Variants in KRT75 observed in about 807,000 individuals in gnomAD.
KRT75 encodes the protein keratin, type II cytoskeletal 75.
A neutral mutation model predicts 48.8 loss-of-function variants in KRT75; 35 were observed. The ratio of observed to expected loss-of-function variants is 0.72; its 90% CI spans 0.55 to 0.95. The LOEUF (loss-of-function observed/expected upper bound fraction) is 0.95. Among genes scored for constraint, KRT75 ranks in the 40% least tolerant of loss-of-function variants. The probability of loss-of-function intolerance (pLI) is 0.00; values close to 1 mark genes in which losing one functional copy is unlikely to be tolerated. For synonymous variants in KRT75, 301 were observed against 282.3 expected, an observed-to-expected ratio of 1.07 and a Z score of -0.66; for missense variants, 776 against 709.9, an observed-to-expected ratio of 1.09 and a Z score of -1.06.
At chr12:52,431,469 A>AATGG in intron 4 of KRT75, 74 bp downstream of exon 4, 1 of 1,103,968 alleles carries the variant, frequency 9.1e-7, no homozygotes, top group Non-Finnish European at 1.4e-6. Context: ...TGAATGAATG[A>AATGG]ATGGCACAAT....
intron 4 of KRT75, 45 bp from the exon 5 acceptor site, chr12:52,430,750 A>G (rs753401602): frequency 1.8e-5 from 29 of 1,609,674 alleles, no homozygotes; most frequent in Non-Finnish European, 2.3e-5. Context: ...AAGATGAAGA[A>G]TCTTAAATCT....
At chr12:52,426,992 ATTAT>A in intron 7 of KRT75, 141 bp from the exon 8 acceptor site, 1 of 725,584 alleles carries the variant, frequency 1.4e-6, no homozygotes, top group East Asian at 2.7e-5. Flanking sequence ...GCAGGTTGAA[ATTAT>A]TTGAGAACTA....
At position 52,431,737 on chromosome 12, in the gene KRT75, T is replaced by A. The variant is rs539566185; in HGVS notation, c.775-99A>T. The A allele has an allele frequency of 7.1e-5, 72 of 1,015,600 alleles. No homozygotes were observed. The South Asian group carries it at 8.8e-4, about 12-fold the overall frequency. 62.9% of individuals were successfully genotyped at this position (1,015,600 alleles called of 1,614,324 possible). ...TTCTCCCCAGCCCATCTAGTTTGGA[T>A]TTTAGAAAACTCTGGGTCTGGGTGA... On this transcript the variant is annotated intron_variant, in intron 3 of 8. Transcript: ENST00000252245.
chr12:52,432,608 T>C lies in KRT75; in HGVS notation c.713+430A>G, dbSNP rs566037347. Among the ~76,000 whole-genome samples the C allele has an allele frequency of 1.1e-3, 163 of 152,238 alleles. 1 individual carries two copies. Among genetic ancestry groups the C allele is most frequent in the Middle Eastern group, 6.8e-3 (2 of 294 alleles). ...AGCCTGGATGATGTGCAGTCAAAAG[T>C]TTCCCCCCACAAGAAAAGTCAGATT... On this transcript the variant is annotated intron_variant, in intron 2 of 8. Transcript: ENST00000252245.
intron 8 of KRT75, among the ~76,000 whole-genome samples, chr12:52,425,556 G>A (rs968741137): frequency 6.6e-6 from 1 of 152,212 alleles, no homozygotes; most frequent in African/African-American, 2.4e-5. Context: ...CAGACACACA[G>A]GGACACGGTC....
intron 7 of KRT75, among the ~76,000 whole-genome samples, chr12:52,427,319 C>T (rs147168682): frequency 6.6e-6 from 1 of 152,220 alleles, no homozygotes; most frequent in East Asian, 1.9e-4. Flanking sequence ...TCTTAGCAAC[C>T]AAGTAACTTT....
At chr12:52,432,581 G>A (rs1245647587) in intron 2 of KRT75, among the ~76,000 whole-genome samples, 1 of 152,132 alleles carries the variant, frequency 6.6e-6, no homozygotes, top group Admixed American at 6.5e-5. Flanking sequence ...CTCACCTACT[G>A]CAGCCTGGAT....
intron 8 of KRT75, among the ~76,000 whole-genome samples, chr12:52,425,651 G>A (rs959401433): frequency 6.6e-6 from 1 of 152,232 alleles, no homozygotes; most frequent in African/African-American, 2.4e-5. Context: ...AGAGCTAGGA[G>A]GAGGCTGGAG....
intron 7 of KRT75, among the ~76,000 whole-genome samples, 181 bp from the exon 8 acceptor site, chr12:52,427,032 T>A (rs1015167913): frequency 2.6e-5 from 4 of 152,214 alleles, no homozygotes; most frequent in Non-Finnish European, 2.9e-5. Context: ...ATATTAATAA[T>A]CTAATGAATA....
intron 4 of KRT75, among the ~76,000 whole-genome samples, chr12:52,431,341 G>A (rs1002987222): frequency 6.6e-6 from 1 of 152,120 alleles, no homozygotes; most frequent in African/African-American, 2.4e-5. Context: ...GGAGTTCGGG[G>A]GAGAAGCATC....
rs1299806386 is a variant in KRT75 at position 52,433,239 on chromosome 12, TC to T, written c.511del (p.Glu171SerfsTer22). On this transcript the variant is annotated frameshift_variant, in exon 2 of 9. Transcript: ENST00000252245. LOFTEE classifies it high-confidence loss of function. Reference protein sequence around the residue: ...ASFIDKVRFLEQQNKVLETKW... With the variant: ...ASFIDKVRFLXQQNKVLETKW... ...GGTCTCCAGGACCTTGTTCTGCTGC[TC>T]CAAGAACCTCACCTGGAGGGAAGAA... 3 of 1,613,798 alleles carry T rather than the reference TC, an allele frequency of 1.9e-6. No individual in the cohort carries two copies. The Admixed American group carries it at 5.0e-5, about 27-fold the overall frequency.
In KRT75 at chr12:52,430,625, A is replaced by T; in HGVS notation, c.951T>A (p.Asp317Glu). Residue 317 changes from aspartate (D) to glutamate (E), a missense_variant, in exon 5 of 9, where the codon GAT becomes GAA. Transcript: ENST00000252245. ...SMDNNRNLDL[D>E]SIIAEVKAQY... ...GTGCTTTGACCTCGGCGATGATACT[A>T]TCCAGGTCCAGGTTGCGGTTGTTGT... is the stretch of plus-strand genomic sequence containing the variant. 1.9e-6 allele frequency: 3 copies of T among 1,614,110 alleles called. No homozygotes were observed. Among genetic ancestry groups the T allele is most frequent in the South Asian group, 1.1e-5 (1 of 91,070 alleles).
chr12:52,429,960 C>A (rs1023806280), intron 5 of KRT75, among the ~76,000 whole-genome samples: 1 of 152,172 alleles, frequency 6.6e-6, no homozygotes, highest in African/African-American at 2.4e-5. Context: ...ACATAAACTC[C>A]CTTGCTTGTT....
rs1386415395 is a variant in KRT75, at chr12:52,433,094, G to T, written c.657C>A (p.Gly219=). 3.1e-6 allele frequency: 5 copies of T among 1,613,872 alleles called. No homozygotes were observed. The highest frequency in any genetic ancestry group is 4.2e-6 in the Non-Finnish European group (5 of 1,180,014). ...RQLESITTER[G]RLEAELRNMQ... ...TGTTCCTCAGTTCAGCTTCAAGCCT[G>T]CCCCTCTCGGTGGTGATGCTTTCCA... The change falls in exon 2 of 9, where the codon GGC becomes GGA. Residue 219 remains glycine, a synonymous_variant. Coordinates refer to ENST00000252245, the MANE Select transcript of KRT75 (RefSeq NM_004693.3).
intron 8 of KRT75, among the ~76,000 whole-genome samples, chr12:52,425,153 C>T (rs1245434073): frequency 1.3e-5 from 2 of 152,150 alleles, no homozygotes; most frequent in Non-Finnish European, 2.9e-5. Flanking sequence ...CAGCGTCTCC[C>T]AGCCCCACAC....
intron 1 of KRT75, 84 bp downstream of exon 1, chr12:52,433,723 A>G (rs1388843102): frequency 4.1e-5 from 66 of 1,599,258 alleles, no homozygotes; most frequent in Non-Finnish European, 5.1e-6. Flanking sequence ...GGGTCATTGC[A>G]TTATTGCTCT....
At chr12:52,432,935 G>T (rs1322836831) in intron 2 of KRT75, 103 bp downstream of exon 2, 26 of 1,190,558 alleles carry the variant, frequency 2.2e-5, no homozygotes, top group Non-Finnish European at 3.2e-5. Flanking sequence ...CAGTTCCAAA[G>T]CTCCCGGCTG....
At chr12:52,430,857 G>T (rs1940136286) in intron 4 of KRT75, 152 bp from the exon 5 acceptor site, 5 of 904,542 alleles carry the variant, frequency 5.5e-6, no homozygotes, top group Admixed American at 2.0e-5. Context: ...CATCCCAAAA[G>T]ATCAGTGTGG....
At position 52,424,286 on chromosome 12, in the gene KRT75, A is replaced by C. The variant is rs188462; in HGVS notation, c.*231T>G. ...GCAAGATAGGCTGAATGAGAGCCTTAGGAGAGAGCAGGCTTTGGTTTCACA... is the reference window on the plus strand; with the variant it reads ...GCAAGATAGGCTGAATGAGAGCCTTCGGAGAGAGCAGGCTTTGGTTTCACA... On this transcript the variant is annotated 3_prime_UTR_variant, in exon 9 of 9. Transcript: ENST00000252245. 1.6e-6 allele frequency: 1 copy of C among 628,538 alleles called. No homozygotes were observed. The highest frequency in any genetic ancestry group is 2.9e-6 in the Non-Finnish European group (1 of 347,548). The allele number at this position is 628,538 out of a possible 1,614,324, so 38.9% of individuals were successfully genotyped here.
Sources: gnomAD v4.1 joint callset for allele counts (sites outside exome capture counted in the v4.1 genomes callset) on GRCh38, gnomAD v4.1.1 for gene constraint, MANE v1.5 for transcripts, NCBI Gene and HGNC (gene_info 2026-07-23, HGNC 2026-07-21) for gene names.